The following SGCZ variants were observed in gnomAD, a reference collection of about 807,000 sequenced individuals.
SGCZ encodes sarcoglycan zeta, also known as zeta-sarcoglycan.
In SGCZ, 40 loss-of-function variants were observed where a neutral mutation model predicts 41.3. The observed-to-expected ratio is 0.97, with a 90% confidence interval of 0.75 to 1.26. The LOEUF is 1.26. Ranked by LOEUF, SGCZ falls within the 50% of genes most tolerant of loss-of-function variation. The probability of loss-of-function intolerance (pLI) is 0.00; values close to 1 mark genes in which losing one functional copy is unlikely to be tolerated. For missense variants in SGCZ, 552 were observed against 369.8 expected (o/e 1.49, Z -4.04); for synonymous variants, 206 against 137.5 (o/e 1.50, Z -3.49).
chr8:15,183,942 G>T (rs1800254072), intron 1 of SGCZ, among the ~76,000 whole-genome samples: 1 of 152,170 alleles, frequency 6.6e-6, no homozygotes, highest in Non-Finnish European at 1.5e-5. Flanking sequence ...ATAAAGGTCT[G>T]TGTAAAGCAA....
At chr8:14,926,541 C>T (rs1799755074) in intron 1 of SGCZ, among the ~76,000 whole-genome samples, 1 of 152,100 alleles carries the variant, frequency 6.6e-6, no homozygotes, top group African/African-American at 2.4e-5. Flanking sequence ...TGTATTTCAC[C>T]ATCCTGATTT....
intron 1 of SGCZ, among the ~76,000 whole-genome samples, chr8:14,886,300 C>A (rs1203922645): frequency 6.6e-6 from 1 of 151,696 alleles, no homozygotes; most frequent in African/African-American, 2.4e-5. Flanking sequence ...TAGCAAAAAT[C>A]CCTGCTCTCA....
chr8:14,246,487 C>T (rs1219960561), intron 3 of SGCZ, among the ~76,000 whole-genome samples: 1 of 151,552 alleles, frequency 6.6e-6, no homozygotes, highest in Admixed American at 6.6e-5. Flanking sequence ...AGGAGATATA[C>T]CTAATGCTAA....
At chr8:14,748,308 C>G (rs746502594) in intron 1 of SGCZ, among the ~76,000 whole-genome samples, 3 of 152,008 alleles carry the variant, frequency 2.0e-5, no homozygotes, top group Non-Finnish European at 4.4e-5. Context: ...AATTCAATGC[C>G]CATGCTTTTA....
At chr8:15,029,211 C>A (rs183719999) in intron 1 of SGCZ, among the ~76,000 whole-genome samples, 291 of 152,014 alleles carry the variant, frequency 1.9e-3, no homozygotes, top group African/African-American at 6.7e-3. Context: ...TGCTTTGGTA[C>A]CCTACTTTAA....
intron 2 of SGCZ, among the ~76,000 whole-genome samples, chr8:14,433,234 G>C (rs113605717): frequency 5.8e-4 from 88 of 152,240 alleles, no homozygotes; most frequent in African/African-American, 2.1e-3. Context: ...GCTGCCCAAA[G>C]TTTGCCTGCA....
intron 2 of SGCZ, among the ~76,000 whole-genome samples, chr8:14,387,421 CT>C (rs1804613547): frequency 6.6e-6 from 1 of 152,136 alleles, no homozygotes; most frequent in South Asian, 2.1e-4. Context: ...AAATTTACCT[CT>C]TGTCAAAAAC....
intron 1 of SGCZ, among the ~76,000 whole-genome samples, chr8:14,593,726 T>C (rs1218568625): frequency 6.6e-6 from 1 of 152,160 alleles, no homozygotes; most frequent in Non-Finnish European, 1.5e-5. Flanking sequence ...TTAGAACATA[T>C]TACATATTGA....
At chr8:14,184,327 G>C (rs190294131) in intron 4 of SGCZ, among the ~76,000 whole-genome samples, 9 of 152,032 alleles carry the variant, frequency 5.9e-5, no homozygotes, top group African/African-American at 2.2e-4. Context: ...TTATGGCCTG[G>C]ACATAAATTA....
At chr8:14,722,722 T>C (rs1010895) in intron 1 of SGCZ, among the ~76,000 whole-genome samples, 10,600 of 151,926 alleles carry the variant, frequency 0.07, 820 homozygotes, top group African/African-American at 0.19. Context: ...AAGGAAATGA[T>C]GAGGAGAATC....
chr8:15,159,744 T>TCCCC (rs1235169959), intron 1 of SGCZ, among the ~76,000 whole-genome samples: 1 of 4,990 alleles, frequency 2.0e-4, no homozygotes, highest in East Asian at 7.4e-3. Flanking sequence ...CCCCCCACCC[T>TCCCC]CCCCCCCACC....
intron 4 of SGCZ, among the ~76,000 whole-genome samples, chr8:14,212,107 G>C (rs1448842715): frequency 6.6e-6 from 1 of 151,956 alleles, no homozygotes; most frequent in Non-Finnish European, 1.5e-5. Flanking sequence ...TGTAGCAGAC[G>C]ATTACTGAGG....
chr8:14,821,039 T>A (rs1291574746), intron 1 of SGCZ, among the ~76,000 whole-genome samples: 1 of 151,662 alleles, frequency 6.6e-6, no homozygotes, highest in Non-Finnish European at 1.5e-5. Flanking sequence ...AACAAAACAA[T>A]TGGTTTGTAA....
At chr8:14,216,465 C>G (rs1805997037) in intron 4 of SGCZ, among the ~76,000 whole-genome samples, 1 of 152,124 alleles carries the variant, frequency 6.6e-6, no homozygotes, top group African/African-American at 2.4e-5. Flanking sequence ...AAGTCACAAA[C>G]AAACTTCCTA....
At chr8:14,538,932 G>A (rs778988785) in intron 2 of SGCZ, among the ~76,000 whole-genome samples, 1 of 151,920 alleles carries the variant, frequency 6.6e-6, no homozygotes, top group Admixed American at 6.6e-5. Flanking sequence ...ATTACGTGAT[G>A]GTTAATTTCA....
intron 1 of SGCZ, among the ~76,000 whole-genome samples, chr8:15,075,040 C>T (rs567169122): frequency 4.2e-4 from 64 of 152,220 alleles, no homozygotes; most frequent in African/African-American, 1.3e-3. Flanking sequence ...CGGAGCATGC[C>T]CTAAGCAAGA....
At chr8:15,229,280 G>C (rs1365079746) in intron 1 of SGCZ, among the ~76,000 whole-genome samples, 1 of 152,146 alleles carries the variant, frequency 6.6e-6, no homozygotes, top group African/African-American at 2.4e-5. Flanking sequence ...AAATAATTAA[G>C]AGTATCTAAA....
At chr8:14,271,734 C>T (rs2117264844) in intron 3 of SGCZ, among the ~76,000 whole-genome samples, 1 of 152,302 alleles carries the variant, frequency 6.6e-6, no homozygotes, top group East Asian at 1.9e-4. Context: ...AAACCCTCTA[C>T]TTCCTTGTCC....
At chr8:14,118,215 T>C (rs1418031984) in intron 5 of SGCZ, among the ~76,000 whole-genome samples, 1 of 152,156 alleles carries the variant, frequency 6.6e-6, no homozygotes, top group African/African-American at 2.4e-5. Flanking sequence ...GTAAAAGTGT[T>C]CCTATTTCTC....
Sources: allele counts gnomAD v4.1 joint callset (sites outside exome capture counted in the v4.1 genomes callset), GRCh38; gene constraint gnomAD v4.1.1; transcripts MANE v1.5; gene names NCBI Gene and HGNC (gene_info 2026-07-23, HGNC 2026-07-21).